Variants in TASOR2 observed in about 807,000 individuals in gnomAD.
TASOR2 encodes the protein protein TASOR 2.
A neutral mutation model predicts 199.5 loss-of-function variants in TASOR2; 84 were observed. That is an observed-to-expected ratio of 0.42 (90% CI 0.35 to 0.50). The LOEUF is 0.50. Among genes scored for constraint, TASOR2 ranks in the 20% least tolerant of loss-of-function variants. TASOR2 has a pLI of 0.02. For synonymous variants in TASOR2, 1,103 were observed against 1,046.6 expected (o/e 1.05, Z -1.04); for missense variants, 2,796 against 2,835.9 (o/e 0.99, Z 0.32).
chr10:5,717,884 A>G (rs1220654099), intron 3 of TASOR2, 134 bp downstream of exon 4: 1 of 393,584 alleles, frequency 2.5e-6, no homozygotes. Flanking sequence ...AAGCAAAACT[A>G]TTTTTCCTTT....
At position 5,698,805 on chromosome 10, in the gene TASOR2, G is replaced by A. The variant is rs935510291; in HGVS notation, c.-288+13630G>A. Among the ~76,000 whole-genome samples, 3 of 152,146 alleles carry A rather than the reference G, an allele frequency of 2.0e-5. No homozygotes were observed. The highest frequency in any genetic ancestry group is 2.0e-4 in the Admixed American group (3 of 15,278). ...ATACCACATCATACCCATTAAGATA[G>A]CTGTAATCAAAAAGACAGATAATAA... On this transcript the variant is annotated intron_variant, in intron 1 of 20. Transcript: ENST00000328090. This position sits in a 1 kb window ranked among gnomAD's most constrained non-coding sequence, Gnocchi z 4.4.
intron 1 of TASOR2, among the ~76,000 whole-genome samples, chr10:5,705,888 G>A (rs1425316955): frequency 6.6e-6 from 1 of 152,074 alleles, no homozygotes; most frequent in Non-Finnish European, 1.5e-5. Flanking sequence ...GAAGTCTGAT[G>A]TATACATTTT....
intron 1 of TASOR2, among the ~76,000 whole-genome samples, chr10:5,708,222 A>G (rs570882729): frequency 6.6e-6 from 1 of 151,896 alleles, no homozygotes; most frequent in African/African-American, 2.4e-5. Context: ...AATCAGTCAT[A>G]TTAAACTATT....
rs1834653823 is a variant in TASOR2 at position 5,730,411 on chromosome 10, T to G, written c.488-76T>G. 1 of 1,201,254 alleles carries G rather than the reference T, an allele frequency of 8.3e-7. No individual in the cohort carries two copies. Among genetic ancestry groups the G allele is most frequent in the African/African-American group, 1.5e-5 (1 of 65,916 alleles). 74.4% of individuals were successfully genotyped at this position (1,201,254 alleles called of 1,614,324 possible). A position where few individuals can be genotyped will look rare whatever the true frequency, so the allele number is the denominator to read the frequency against. ...TTAACCATCACATAATTTTGAAATC[T>G]AAAGCTTTTTTTTCCAGAATGTTTT... is the stretch of plus-strand genomic sequence containing the variant. On this transcript the variant is annotated intron_variant, in intron 10 of 20. Transcript: ENST00000328090. The surrounding 1 kb of genome is among the most constrained non-coding windows in gnomAD (Gnocchi z 4.1).
chr10:5,753,137 C>T (rs1167857727), intron 15 of TASOR2, among the ~76,000 whole-genome samples: 2 of 152,000 alleles, frequency 1.3e-5, no homozygotes, highest in African/African-American at 2.4e-5. Context: ...CATTTTAGGA[C>T]GATATCTTAG....
rs1182472713 is a variant in TASOR2 at position 5,722,924 on chromosome 10, C to T, written c.147-753C>T. ...TCGGGAGGCTGAGGCAGGGTAATCACTTGAACCCGGGAGTCAGAGGTTGCA... is the reference window on the plus strand; with the variant it reads ...TCGGGAGGCTGAGGCAGGGTAATCATTTGAACCCGGGAGTCAGAGGTTGCA... On this transcript the variant is annotated intron_variant, in intron 6 of 20. Coordinates refer to ENST00000328090, the Ensembl canonical transcript of TASOR2. This position sits in a 1 kb window ranked among gnomAD's most constrained non-coding sequence, Gnocchi z 4.0. Among the ~76,000 whole-genome samples the T allele has an allele frequency of 2.0e-5, 3 of 151,208 alleles. No individual in the cohort carries two copies. The highest frequency in any genetic ancestry group is 4.4e-5 in the Non-Finnish European group (3 of 67,852).
chr10:5,735,079 G>A (rs1015433460), intron 11 of TASOR2, among the ~76,000 whole-genome samples: 2 of 151,754 alleles, frequency 1.3e-5, no homozygotes, highest in African/African-American at 2.4e-5. Context: ...TCATCTGATA[G>A]GGATATAGGC....
At chr10:5,734,649 AT>A (rs1835300613) in intron 11 of TASOR2, among the ~76,000 whole-genome samples, 1 of 148,768 alleles carries the variant, frequency 6.7e-6, no homozygotes, top group Admixed American at 6.7e-5. Context: ...AGAAATATCT[AT>A]ATCCTGGGGC....
exon 15 of TASOR2, chr10:5,747,388 A>G (rs774788523): frequency 1.2e-6 from 2 of 1,614,190 alleles, no homozygotes; most frequent in East Asian, 2.2e-5. Flanking sequence ...AGCTGAGGAA[A>G]TAGGTGAACC....
chr10:5,757,775 A>T (rs567117032), intron 17 of TASOR2, 102 bp downstream of exon 18: 5 of 1,287,792 alleles, frequency 3.9e-6, no homozygotes, highest in Non-Finnish European at 5.5e-6. Context: ...AACTCTAAGG[A>T]ATATCAGTTG....
chr10:5,709,949 A>G (rs1422478343), intron 1 of TASOR2, among the ~76,000 whole-genome samples: 4 of 152,186 alleles, frequency 2.6e-5, no homozygotes, highest in African/African-American at 9.6e-5. Flanking sequence ...TTAATGCTTT[A>G]TAGGCAAGCA....
At chr10:5,746,126 A>G (rs1330202673) in intron 14 of TASOR2, 53 bp from the exon 16 acceptor site, 1 of 1,490,344 alleles carries the variant, frequency 6.7e-7, no homozygotes, top group Admixed American at 2.3e-5. Flanking sequence ...ATAATCGTAT[A>G]AAAAACATTT....
At position 5,701,721 on chromosome 10, in the gene TASOR2, A is replaced by G. The variant is rs985285196; in HGVS notation, c.-287-11102A>G. Among the ~76,000 whole-genome samples the G allele has an allele frequency of 2.6e-5, 4 of 152,090 alleles. No homozygotes were observed. The highest frequency in any genetic ancestry group is 9.7e-5 in the African/African-American group (4 of 41,422). On this transcript the variant is annotated intron_variant, in intron 1 of 20. Coordinates refer to ENST00000328090, the Ensembl canonical transcript of TASOR2. This position sits in a 1 kb window ranked among gnomAD's most constrained non-coding sequence, Gnocchi z 4.9. ...TAGGTATGTTATATTCTTTGTAGCTATTGTAAATGGGATTGCTTTCTTGAT... is the reference window on the plus strand; with the variant it reads ...TAGGTATGTTATATTCTTTGTAGCTGTTGTAAATGGGATTGCTTTCTTGAT...
Position 5,754,191 on chromosome 10 carries a change from G to A in TASOR2, c.6607-2422G>A, listed in dbSNP as rs1188775598. On this transcript the variant is annotated intron_variant, in intron 15 of 20. Transcript: ENST00000328090. The surrounding 1 kb of genome is among the most constrained non-coding windows in gnomAD (Gnocchi z 4.3). ...GTGGCGGCGCGCGCTTGTGGTACTC[G>A]GGAGGCTAAGGCAGGAGAATCACTT... 1.3e-5 allele frequency among the ~76,000 whole-genome samples: 2 copies of A among 152,042 alleles called. No individual in the cohort carries two copies. The highest frequency in any genetic ancestry group is 1.5e-5 in the Non-Finnish European group (1 of 68,006).
At chr10:5,749,945 GTGT>G in exon 15 of TASOR2, 1 of 1,614,166 alleles carries the variant, frequency 6.2e-7, no homozygotes, top group Non-Finnish European at 8.5e-7. Flanking sequence ...AAACTAAGAA[GTGT>G]TGTGAAAGAG....
intron 8 of TASOR2, among the ~76,000 whole-genome samples, chr10:5,725,196 G>A (rs1331884608): frequency 1.3e-5 from 2 of 151,880 alleles, no homozygotes; most frequent in African/African-American, 4.8e-5. Context: ...TCAGGAGATC[G>A]AGACCATCCT....
Position 5,740,794 on chromosome 10 carries a change from G to A in TASOR2, c.2327+297G>A, listed in dbSNP as rs535000088. 1.2e-3 allele frequency among the ~76,000 whole-genome samples: 187 copies of A among 152,256 alleles called. 3 individuals carry two copies. The East Asian group carries it at 0.026, about 22-fold the overall frequency. The stretch of plus-strand genomic sequence containing the variant: ...TGTGGCTTTTGAATTTCAATTTTTA[G>A]ATGAGATCTTAATGTAAAATAGTGT... On this transcript the variant is annotated intron_variant, in intron 13 of 20. Coordinates refer to ENST00000328090, the Ensembl canonical transcript of TASOR2. The surrounding 1 kb of genome is among the most constrained non-coding windows in gnomAD (Gnocchi z 5.3).
At chr10:5,755,817 C>A (rs1026166530) in intron 15 of TASOR2, among the ~76,000 whole-genome samples, 7 of 151,826 alleles carry the variant, frequency 4.6e-5, no homozygotes, top group Non-Finnish European at 8.8e-5. Flanking sequence ...GCAACATAGA[C>A]CTCCATTTCT....
chr10:5,730,507 G>A lies in TASOR2; in HGVS notation c.508G>A (p.Glu170Lys). 6.2e-7 allele frequency: 1 copy of A among 1,601,050 alleles called. No individual in the cohort carries two copies. The highest frequency in any genetic ancestry group is 8.5e-7 in the Non-Finnish European group (1 of 1,174,942). ...TCTAGGGGTGAAAGATTTGAAAGTT[G>A]AAGATGACATCTCAATGAAGGTGAT... Residue 170 changes from glutamate to lysine, a missense_variant, in exon 11 of 21, where the codon GAA (glutamate) becomes AAA (lysine). Coordinates refer to ENST00000328090, the Ensembl canonical transcript of TASOR2. The surrounding 1 kb of genome is among the most constrained non-coding windows in gnomAD (Gnocchi z 4.1).
Sources: gnomAD v4.1 joint callset for allele counts (sites outside exome capture counted in the v4.1 genomes callset) on GRCh38, gnomAD v4.1.1 for gene constraint, Gnocchi (gnomAD v3.1) non-coding constraint, MANE v1.5 for transcripts, NCBI Gene and HGNC (gene_info 2026-07-23, HGNC 2026-07-21) for gene names.